SOCS7: variants seen among roughly 807,000 people sequenced by gnomAD.
SOCS7 encodes NAP-4.
In SOCS7, 18 loss-of-function variants were observed where a neutral mutation model predicts 58.9. That is an observed-to-expected ratio of 0.31 (90% CI 0.21 to 0.45). The LOEUF (loss-of-function observed/expected upper bound fraction) is 0.45. Ranked by LOEUF, SOCS7 falls within the 20% of genes least tolerant of loss-of-function variation. The pLI is 1.00. For synonymous variants in SOCS7, 388 were observed against 364.3 expected (o/e 1.06, Z -0.74); for missense variants, 667 against 837.3 (o/e 0.80, Z 2.51).
At position 38,405,029 on chromosome 17, in the gene SOCS7, C is replaced by T. The variant is rs547247834; in HGVS notation, c.*5547C>T. The T allele has an allele frequency of 6.0e-5, 9 of 150,812 alleles. No homozygotes were observed. The highest frequency in any genetic ancestry group is 2.0e-4 in the African/African-American group (8 of 40,122). 9.3% of individuals were successfully genotyped at this position (150,812 alleles called of 1,614,324 possible). A position where few individuals can be genotyped will look rare whatever the true frequency, so the allele number is the denominator to read the frequency against. ...CACCCCTTGCAACCACTTCTGTCTC[C>T]GTTAGCCCCCCCTCTGCCCTCCTCC... is the stretch of plus-strand genomic sequence containing the variant. On this transcript the variant is annotated 3_prime_UTR_variant, in exon 10 of 10. Transcript: ENST00000612932.
At position 38,403,369 on chromosome 17, in the gene SOCS7, C is replaced by T. The variant is rs1243605274; in HGVS notation, c.*3887C>T. ...AGGTGGGAGTAGAACCAGAAGTGCCCTGGAATCCAGCCGTGTCAGCCCTCA... is the reference window on the plus strand; with the variant it reads ...AGGTGGGAGTAGAACCAGAAGTGCCTTGGAATCCAGCCGTGTCAGCCCTCA... On this transcript the variant is annotated 3_prime_UTR_variant, in exon 10 of 10. Coordinates refer to ENST00000612932, the MANE Select transcript of SOCS7 (RefSeq NM_014598.4). 1 of 152,232 alleles carries T rather than the reference C, an allele frequency of 6.6e-6. No individual in the cohort carries two copies. 9.4% of individuals were successfully genotyped at this position (152,232 alleles called of 1,614,324 possible). A position where few individuals can be genotyped will look rare whatever the true frequency, so the allele number is the denominator to read the frequency against.
intron 1 of SOCS7, among the ~76,000 whole-genome samples, chr17:38,356,372 C>T (rs1157735559): frequency 4.0e-5 from 6 of 151,290 alleles, no homozygotes; most frequent in Non-Finnish European, 8.8e-5. Context: ...CAGAGCCAGA[C>T]TCCATCTTTT....
intron 6 of SOCS7, 96 bp from the exon 7 acceptor site, chr17:38,377,618 C>A: frequency 8.0e-7 from 1 of 1,252,198 alleles, no homozygotes. Context: ...AAACTGCCCT[C>A]CCAAAAGTGA....
chr17:38,404,680 A>T lies in SOCS7; in HGVS notation c.*5198A>T, dbSNP rs1318976459. ...AGGACACTCTTCCTCAGACTCTGGG[A>T]TCATCACATACCACACTGCCCCGCT... On this transcript the variant is annotated 3_prime_UTR_variant, in exon 10 of 10. Transcript: ENST00000612932. 1 of 152,208 alleles carries T rather than the reference A, an allele frequency of 6.6e-6. No individual in the cohort carries two copies. Among genetic ancestry groups the T allele is most frequent in the Non-Finnish European group, 1.5e-5 (1 of 68,060 alleles). The allele number at this position is 152,208 out of a possible 1,614,324, so 9.4% of individuals were successfully genotyped here.
At chr17:38,384,006 G>A (rs759841874) in intron 7 of SOCS7, among the ~76,000 whole-genome samples, 6 of 152,076 alleles carry the variant, frequency 3.9e-5, no homozygotes, top group East Asian at 1.9e-4. Context: ...TAAGCGGTTC[G>A]TCCTTGTTTT....
chr17:38,364,744 T>C lies in SOCS7; in HGVS notation c.1046-8T>C, dbSNP rs1555568041. On this transcript the variant is annotated splice_polypyrimidine_tract_variant and splice_region_variant and intron_variant, in intron 2 of 9. Coordinates refer to ENST00000612932, the MANE Select transcript of SOCS7 (RefSeq NM_014598.4). ...TTCTGTAACTTGCTTGCTCCATGAA[T>C]CCCTCAGGTGAAACTGTGTCGCTTG... The C allele has an allele frequency of 1.2e-6, 2 of 1,612,860 alleles. No homozygotes were observed. The highest frequency in any genetic ancestry group is 3.3e-5 in the Admixed American group (2 of 59,990).
intron 7 of SOCS7, among the ~76,000 whole-genome samples, chr17:38,394,813 G>T (rs535485789): frequency 1.3e-5 from 2 of 152,336 alleles, no homozygotes; most frequent in East Asian, 1.9e-4. Context: ...ACTTTGGGAG[G>T]CTGAGGCGAG....
At chr17:38,385,708 T>G (rs1465612479) in intron 7 of SOCS7, among the ~76,000 whole-genome samples, 3 of 152,226 alleles carry the variant, frequency 2.0e-5, no homozygotes, top group Non-Finnish European at 4.4e-5. Flanking sequence ...TCATGTCTTT[T>G]AAATATCTTA....
chr17:38,394,700 G>A (rs1403950375), intron 7 of SOCS7, among the ~76,000 whole-genome samples: 1 of 152,180 alleles, frequency 6.6e-6, no homozygotes, highest in Non-Finnish European at 1.5e-5. Context: ...TCCAAGCAGT[G>A]TCTCTAGTTT....
intron 7 of SOCS7, among the ~76,000 whole-genome samples, chr17:38,378,238 G>A (rs764416069): frequency 5.9e-5 from 9 of 152,132 alleles, no homozygotes; most frequent in Non-Finnish European, 1.0e-4. Context: ...AGGGGCGAGC[G>A]TCAGTGGGGC....
At chr17:38,394,640 T>C (rs2038221392) in intron 7 of SOCS7, among the ~76,000 whole-genome samples, 1 of 152,156 alleles carries the variant, frequency 6.6e-6, no homozygotes, top group South Asian at 2.1e-4. Context: ...AGGGATACTT[T>C]TGATTCTTGG....
intron 6 of SOCS7, among the ~76,000 whole-genome samples, chr17:38,369,739 G>A (rs542590520): frequency 1.9e-4 from 27 of 144,330 alleles, no homozygotes; most frequent in South Asian, 1.1e-3. Flanking sequence ...ACAGTGGCAC[G>A]ATCTCGGCTC....
At chr17:38,382,601 T>A (rs1400404980) in intron 7 of SOCS7, among the ~76,000 whole-genome samples, 1 of 151,862 alleles carries the variant, frequency 6.6e-6, no homozygotes, top group Non-Finnish European at 1.5e-5. Context: ...CGATTCTCCT[T>A]CCTCAGCCTC....
intron 1 of SOCS7, among the ~76,000 whole-genome samples, chr17:38,361,375 G>A (rs1555567537): frequency 1.3e-5 from 2 of 152,214 alleles, no homozygotes; most frequent in African/African-American, 4.8e-5. Context: ...CTCCCAGATG[G>A]AAATTAGCTC....
intron 9 of SOCS7, among the ~76,000 whole-genome samples, chr17:38,397,171 A>AC (rs1408717643): frequency 2.0e-5 from 3 of 152,172 alleles, no homozygotes; most frequent in Non-Finnish European, 4.4e-5. Context: ...AATGTGATTA[A>AC]CCCAGAGCAC....
intron 1 of SOCS7, among the ~76,000 whole-genome samples, chr17:38,356,050 A>AT (rs1340916007): frequency 2.0e-5 from 3 of 151,720 alleles, no homozygotes; most frequent in Admixed American, 1.3e-4. Context: ...CACCCGGCTC[A>AT]TTTTTTTATT....
chr17:38,362,295 A>G (rs2037730491), intron 2 of SOCS7, among the ~76,000 whole-genome samples: 1 of 152,252 alleles, frequency 6.6e-6, no homozygotes, highest in Non-Finnish European at 1.5e-5. Flanking sequence ...ATCTAATTTA[A>G]GTCTGCCCTC....
chr17:38,356,891 C>T (rs1555566884), intron 1 of SOCS7, among the ~76,000 whole-genome samples: 2 of 152,134 alleles, frequency 1.3e-5, no homozygotes, highest in Non-Finnish European at 2.9e-5. Context: ...TGATTGCCTT[C>T]CTTTGGATTT....
At chr17:38,370,651 A>ATT (rs1357286573) in intron 6 of SOCS7, among the ~76,000 whole-genome samples, 4 of 140,522 alleles carry the variant, frequency 2.8e-5, no homozygotes, top group Non-Finnish European at 4.7e-5. Flanking sequence ...TATAACCGGA[A>ATT]TTTTTTTTTT....
Sources: allele counts gnomAD v4.1 joint callset (sites outside exome capture counted in the v4.1 genomes callset), GRCh38; gene constraint gnomAD v4.1.1; transcripts MANE v1.5; gene names NCBI Gene and HGNC (gene_info 2026-07-23, HGNC 2026-07-21).